PPP2R2B: variants seen among roughly 807,000 people sequenced by gnomAD.
The protein encoded by PPP2R2B is serine/threonine-protein phosphatase 2A 55 kDa regulatory subunit B beta isoform.
PPP2R2B carries 5 observed loss-of-function variants against 46.0 expected under a neutral mutation model. The observed-to-expected ratio is 0.11, with a 90% confidence interval of 0.06 to 0.23. PPP2R2B has a LOEUF of 0.23. Ranked by LOEUF, PPP2R2B falls within the 10% of genes least tolerant of loss-of-function variation. PPP2R2B has a pLI of 1.00. For missense variants in PPP2R2B, 367 were observed against 575.0 expected, an observed-to-expected ratio of 0.64 and a Z score of 3.70; for synonymous variants, 215 against 206.7, an observed-to-expected ratio of 1.04 and a Z score of -0.34.
chr5:146,694,703 T>C (rs916198344), intron 4 of PPP2R2B, among the ~76,000 whole-genome samples: 2 of 152,134 alleles, frequency 1.3e-5, no homozygotes, highest in Non-Finnish European at 2.9e-5. Flanking sequence ...CTTTTTATTA[T>C]ACAAGCGATA....
chr5:146,912,482 G>A (rs566486234), intron 1 of PPP2R2B, among the ~76,000 whole-genome samples: 4 of 151,262 alleles, frequency 2.6e-5, no homozygotes, highest in East Asian at 2.0e-4. Context: ...ACATATCCAC[G>A]ATCTCTTGTT....
intron 1 of PPP2R2B, among the ~76,000 whole-genome samples, chr5:146,902,264 G>A (rs934283368): frequency 6.6e-6 from 1 of 151,980 alleles, no homozygotes; most frequent in African/African-American, 2.4e-5. Flanking sequence ...CCCTATAGTA[G>A]TCAAACAGCA....
intron 9 of PPP2R2B, among the ~76,000 whole-genome samples, chr5:146,591,286 C>A (rs779311578): frequency 4.6e-5 from 7 of 152,114 alleles, no homozygotes; most frequent in Non-Finnish European, 8.8e-5. Flanking sequence ...TGGGCCACAG[C>A]AAGGGGGATG....
chr5:146,656,595 T>C (rs578142480), intron 5 of PPP2R2B: 1 of 152,344 alleles, frequency 6.6e-6, no homozygotes, highest in East Asian at 1.9e-4. Flanking sequence ...GTGGACATCC[T>C]AACAGCATAG....
chr5:146,911,289 G>A (rs1763173826), intron 1 of PPP2R2B, among the ~76,000 whole-genome samples: 1 of 152,020 alleles, frequency 6.6e-6, no homozygotes, highest in African/African-American at 2.4e-5. Flanking sequence ...TCGCCATATC[G>A]GCCAGGCTGG....
chr5:147,078,807 CAAAAAAAA>C (rs35601188), intron 2 of PPP2R2B, among the ~76,000 whole-genome samples: 2 of 106,210 alleles, frequency 1.9e-5, no homozygotes, highest in African/African-American at 7.1e-5. Context: ...GACTCCGTCT[CAAAAAAAA>C]AAAAAAAAAA....
chr5:146,903,582 G>C (rs140822957), intron 1 of PPP2R2B, among the ~76,000 whole-genome samples: 1 of 151,754 alleles, frequency 6.6e-6, no homozygotes, highest in East Asian at 1.9e-4. Flanking sequence ...ATTTTTTGTT[G>C]AGATGGGGTT....
intron 1 of PPP2R2B, among the ~76,000 whole-genome samples, chr5:147,023,995 G>A (rs1755407168): frequency 6.6e-6 from 1 of 152,168 alleles, no homozygotes; most frequent in African/African-American, 2.4e-5. Flanking sequence ...CTGCACCTGG[G>A]GCTCGGAGTT....
chr5:146,925,077 T>A (rs754704238), intron 1 of PPP2R2B, among the ~76,000 whole-genome samples: 2 of 152,196 alleles, frequency 1.3e-5, no homozygotes, highest in African/African-American at 4.8e-5. Flanking sequence ...CTTTGTGCTA[T>A]TACTGTCCTA....
upstream of PPP2R2B, among the ~76,000 whole-genome samples, chr5:147,060,235 A>T (rs1356466615): frequency 6.6e-6 from 1 of 152,136 alleles, no homozygotes; most frequent in Non-Finnish European, 1.5e-5. Context: ...TTCCTCTTTT[A>T]AAATACTCGT....
At chr5:147,037,562 T>C (rs542821500) in intron 1 of PPP2R2B, among the ~76,000 whole-genome samples, 9 of 152,122 alleles carry the variant, frequency 5.9e-5, no homozygotes, top group Non-Finnish European at 1.2e-4. Context: ...GAATTTTACA[T>C]TGGGGTGTAT....
chr5:146,749,904 CT>C (rs1046010218), intron 2 of PPP2R2B, among the ~76,000 whole-genome samples: 19 of 151,890 alleles, frequency 1.3e-4, no homozygotes, highest in East Asian at 3.9e-4. Context: ...GGCCAATTTC[CT>C]TTTTTTTCTA....
chr5:146,813,811 A>C (rs542295730), intron 2 of PPP2R2B, among the ~76,000 whole-genome samples: 31 of 152,136 alleles, frequency 2.0e-4, no homozygotes, highest in Non-Finnish European at 3.1e-4. Context: ...GAAAGAAAGA[A>C]AGGGTTGACA....
intron 1 of PPP2R2B, among the ~76,000 whole-genome samples, chr5:146,992,093 AG>A (rs1322271134): frequency 6.6e-6 from 1 of 152,162 alleles, no homozygotes; most frequent in Non-Finnish European, 1.5e-5. Context: ...AAGAACAAAG[AG>A]TTATTAAACC....
At chr5:146,991,558 T>G (rs543367968) in intron 1 of PPP2R2B, among the ~76,000 whole-genome samples, 75 of 152,216 alleles carry the variant, frequency 4.9e-4, no homozygotes, top group Admixed American at 4.7e-3. Flanking sequence ...TATTTCAAGA[T>G]AGCTAGAAAA....
At chr5:146,938,906 G>T (rs1253070264) in intron 1 of PPP2R2B, among the ~76,000 whole-genome samples, 3 of 151,656 alleles carry the variant, frequency 2.0e-5, no homozygotes, top group Non-Finnish European at 4.4e-5. Flanking sequence ...TCAGCCTCCT[G>T]AGTAGCTGGG....
intron 1 of PPP2R2B, among the ~76,000 whole-genome samples, chr5:146,986,630 T>C (rs1433822726): frequency 6.6e-6 from 1 of 152,076 alleles, no homozygotes; most frequent in Non-Finnish European, 1.5e-5. Context: ...AAAAGTACAG[T>C]AGAGGGTCTC....
chr5:146,701,343 A>G, intron 2 of PPP2R2B: 1 of 713,290 alleles, frequency 1.4e-6, no homozygotes, highest in Admixed American at 1.9e-5. Flanking sequence ...CACACTGCAC[A>G]GTGGTCTCCT....
intron 2 of PPP2R2B, among the ~76,000 whole-genome samples, chr5:146,767,821 A>T (rs374598987): frequency 2.2e-4 from 33 of 152,272 alleles, no homozygotes; most frequent in South Asian, 1.5e-3. Flanking sequence ...GTAGCATGAC[A>T]CGTATCTACC....
Sources: allele counts gnomAD v4.1 joint callset (sites outside exome capture counted in the v4.1 genomes callset), GRCh38; gene constraint gnomAD v4.1.1; transcripts MANE v1.5; gene names NCBI Gene and HGNC (gene_info 2026-07-23, HGNC 2026-07-21).